The following DPP10 variants were observed in gnomAD, a reference collection of about 807,000 sequenced individuals.
DPP10 encodes the protein dipeptidyl peptidase like 10, also known as inactive dipeptidyl peptidase 10.
Under a neutral mutation model 120.9 loss-of-function variants are expected in DPP10, and 33 were observed. The observed-to-expected ratio is 0.27, with a 90% CI of 0.21 to 0.37. DPP10 has a LOEUF of 0.37. Ranked by LOEUF, DPP10 falls within the 10% of genes least tolerant of loss-of-function variation. The pLI is 1.00. For missense variants in DPP10, 816 were observed against 942.8 expected (o/e 0.87, Z 1.76); for synonymous variants, 337 against 326.1 (o/e 1.03, Z -0.36).
chr2:115,142,435 A>G (rs913136604), intron 1 of DPP10, among the ~76,000 whole-genome samples: 8 of 152,216 alleles, frequency 5.3e-5, no homozygotes, highest in Non-Finnish European at 1.2e-4. Flanking sequence ...GCATGGACCC[A>G]GGAGATCAGC....
chr2:114,904,781 T>C (rs947646198), intron 1 of DPP10, among the ~76,000 whole-genome samples: 1 of 152,230 alleles, frequency 6.6e-6, no homozygotes, highest in Non-Finnish European at 1.5e-5. Flanking sequence ...AAATGTATTC[T>C]ATCCTTTAAA....
intron 5 of DPP10, among the ~76,000 whole-genome samples, chr2:115,541,658 A>G (rs1230352210): frequency 6.6e-6 from 1 of 152,002 alleles, no homozygotes; most frequent in East Asian, 1.9e-4. Context: ...CATAACGTTA[A>G]CATGATCTTT....
chr2:114,654,485 A>G (rs1573895085), intron 1 of DPP10, among the ~76,000 whole-genome samples: 2 of 152,186 alleles, frequency 1.3e-5, no homozygotes, highest in East Asian at 3.8e-4. Flanking sequence ...AGTCCAAACT[A>G]TAGATAGGAT....
intron 1 of DPP10, among the ~76,000 whole-genome samples, chr2:114,570,416 C>T (rs1157931627): frequency 6.6e-6 from 1 of 152,110 alleles, no homozygotes; most frequent in Non-Finnish European, 1.5e-5. Flanking sequence ...AGCTGTCTGA[C>T]TAGATGTTCG....
At position 114,759,214 on chromosome 2, in the gene DPP10, C is replaced by T. The variant is rs556449681; in HGVS notation, c.60+316376C>T. On this transcript the variant is annotated intron_variant, in intron 1 of 25. Coordinates refer to ENST00000410059, the MANE Select transcript of DPP10 (RefSeq NM_020868.6). Reference sequence around the variant, plus strand: ...GAAATTTCCTGGTAATTGATGCTTTCCATATGAAGCACCAAAACATTTGGA... The same window carrying T: ...GAAATTTCCTGGTAATTGATGCTTTTCATATGAAGCACCAAAACATTTGGA... Among the ~76,000 whole-genome samples, 10 of 152,252 alleles carry T rather than the reference C, an allele frequency of 6.6e-5. No individual in the cohort carries two copies. In the East Asian group the frequency reaches 1.9e-3, roughly 29 times the overall value.
intron 1 of DPP10, among the ~76,000 whole-genome samples, chr2:115,238,568 G>T (rs1346215513): frequency 6.6e-6 from 1 of 152,142 alleles, no homozygotes; most frequent in Non-Finnish European, 1.5e-5. Context: ...GGAATTAGCT[G>T]CAGAGGTGGT....
chr2:115,102,862 C>T (rs1013255097), intron 1 of DPP10, among the ~76,000 whole-genome samples: 2 of 152,162 alleles, frequency 1.3e-5, no homozygotes, highest in African/African-American at 2.4e-5. Flanking sequence ...TGTCTGAAGC[C>T]GTGGCAGCCA....
chr2:115,298,843 A>G (rs144545665), intron 1 of DPP10, among the ~76,000 whole-genome samples: 2 of 152,144 alleles, frequency 1.3e-5, no homozygotes, highest in East Asian at 3.9e-4. Flanking sequence ...GGCATTGTCT[A>G]AATAGGTAGA....
intron 1 of DPP10, among the ~76,000 whole-genome samples, chr2:115,197,676 T>C (rs2055383413): frequency 6.6e-6 from 1 of 152,210 alleles, no homozygotes; most frequent in Non-Finnish European, 1.5e-5. Flanking sequence ...CCCTAATAGA[T>C]GACTTTATCT....
intron 3 of DPP10, among the ~76,000 whole-genome samples, chr2:115,459,159 G>T (rs972625993): frequency 6.6e-6 from 1 of 150,836 alleles, no homozygotes; most frequent in South Asian, 2.1e-4. Flanking sequence ...TTGTGAGTTT[G>T]ATTTTTTTTT....
chr2:115,553,523 T>G (rs2080009724), intron 5 of DPP10, among the ~76,000 whole-genome samples: 1 of 152,054 alleles, frequency 6.6e-6, no homozygotes, highest in Non-Finnish European at 1.5e-5. Context: ...AATGATATAT[T>G]AAATTAGCAT....
intron 21 of DPP10, 55 bp downstream of exon 21, chr2:115,815,784 A>G: frequency 6.6e-7 from 1 of 1,515,682 alleles, no homozygotes; most frequent in South Asian, 1.2e-5. Context: ...GTTATGTAAT[A>G]TCCTATTACA....
intron 1 of DPP10, among the ~76,000 whole-genome samples, chr2:114,971,552 G>T (rs1360909706): frequency 6.6e-6 from 1 of 152,084 alleles, no homozygotes; most frequent in Non-Finnish European, 1.5e-5. Context: ...AGATGTAAAT[G>T]GGTGCCAATC....
chr2:115,067,111 A>G (rs1039498054), intron 1 of DPP10, among the ~76,000 whole-genome samples: 15 of 152,022 alleles, frequency 9.9e-5, no homozygotes, highest in African/African-American at 2.9e-4. Context: ...CTCTGTTTCT[A>G]TGAGTTTAAG....
chr2:114,821,030 C>T (rs190005783), intron 1 of DPP10, among the ~76,000 whole-genome samples: 22 of 152,276 alleles, frequency 1.4e-4, no homozygotes, highest in Admixed American at 1.4e-3. Flanking sequence ...AAGAAAGAAG[C>T]AGATCCCTGG....
chr2:114,738,398 ACTG>A (rs2105974309), intron 1 of DPP10, among the ~76,000 whole-genome samples: 1 of 152,252 alleles, frequency 6.6e-6, no homozygotes, highest in South Asian at 2.1e-4. Flanking sequence ...TCCTTCTCTC[ACTG>A]CTATGGGACA....
rs2059241449 is a variant in DPP10, at chr2:115,261,307, A to G, written c.61-47932A>G. ...CCTAATTTTAGTAAGCCTAAAGGGC[A>G]CTGAGCAATACAACTACTTTGGTGG... On this transcript the variant is annotated intron_variant, in intron 1 of 25. Transcript: ENST00000410059. Among the ~76,000 whole-genome samples the G allele has an allele frequency of 2.0e-5, 3 of 152,208 alleles. No homozygotes were observed. The South Asian group carries it at 6.2e-4, about 31-fold the overall frequency.
intron 1 of DPP10, among the ~76,000 whole-genome samples, chr2:115,002,026 A>C (rs1292425591): frequency 2.0e-5 from 3 of 152,224 alleles, no homozygotes; most frequent in African/African-American, 7.2e-5. Context: ...GAATTAGACA[A>C]AACTATTTTA....
At chr2:114,985,357 T>G (rs1700330012) in intron 1 of DPP10, among the ~76,000 whole-genome samples, 1 of 152,218 alleles carries the variant, frequency 6.6e-6, no homozygotes, top group Non-Finnish European at 1.5e-5. Flanking sequence ...CCTTATTTAT[T>G]TTCTATCACA....
Sources: allele counts gnomAD v4.1 joint callset (sites outside exome capture counted in the v4.1 genomes callset), GRCh38; gene constraint gnomAD v4.1.1; transcripts MANE v1.5; gene names NCBI Gene and HGNC (gene_info 2026-07-23, HGNC 2026-07-21).